USH2A: variants seen among roughly 807,000 people sequenced by gnomAD.
The protein encoded by USH2A is usherin, also known as Usher syndrome 2A (autosomal recessive, mild).
USH2A carries 443 observed loss-of-function variants against 538.9 expected under a neutral mutation model. The observed-to-expected ratio is 0.82, with a 90% CI of 0.76 to 0.89. The LOEUF (loss-of-function observed/expected upper bound fraction) is 0.89, where lower values mean the gene tolerates loss of function less well. Ranked by LOEUF, USH2A falls within the 40% of genes least tolerant of loss-of-function variation. The pLI is 0.00. For missense variants in USH2A, 6,633 were observed against 6,324.8 expected, an observed-to-expected ratio of 1.05 and a Z score of -1.65; for synonymous variants, 2,413 against 2,273.5, an observed-to-expected ratio of 1.06 and a Z score of -1.75.
chr1:216,360,825 A>G (rs2038478027), intron 4 of USH2A, among the ~76,000 whole-genome samples: 1 of 152,122 alleles, frequency 6.6e-6, no homozygotes, highest in South Asian at 2.1e-4. Flanking sequence ...AATATATTAC[A>G]TTTATGGGCT....
chr1:216,095,642 G>A (rs17026080), intron 22 of USH2A, among the ~76,000 whole-genome samples: 1 of 152,132 alleles, frequency 6.6e-6, no homozygotes, highest in African/African-American at 2.4e-5. Flanking sequence ...AGTTAGCAGA[G>A]CCCTGTCAAG....
chr1:215,841,750 GA>G (rs1288080966), intron 46 of USH2A, among the ~76,000 whole-genome samples: 1 of 152,106 alleles, frequency 6.6e-6, no homozygotes, highest in Non-Finnish European at 1.5e-5. Context: ...TCCTCAGAGT[GA>G]ACAGGCAACC....
intron 9 of USH2A, among the ~76,000 whole-genome samples, chr1:216,300,740 T>C (rs928340574): frequency 6.7e-6 from 1 of 148,372 alleles, no homozygotes; most frequent in East Asian, 2.0e-4. Flanking sequence ...ATAGACTCAA[T>C]GTTTTTTTTT....
chr1:215,900,623 T>G, intron 39 of USH2A, 132 bp downstream of exon 39: 5 of 1,161,264 alleles, frequency 4.3e-6, no homozygotes, highest in Non-Finnish European at 5.0e-6. Context: ...TATCCTCTAA[T>G]TGTTTGGGGT....
rs2102713589 is a variant in USH2A at position 215,728,228 on chromosome 1, T to G, written c.11868A>C (p.Ser3956=). 1 of 1,614,174 alleles carries G rather than the reference T, an allele frequency of 6.2e-7. No individual in the cohort carries two copies. The highest frequency in any genetic ancestry group is 2.2e-5 in the East Asian group (1 of 44,860). ...GTGGAGCTTCCAGAGTTTGTGTTAA[T>G]GACCACAGACTCTCCACTGAACCCT... ...NSKGSVESLW[S]LTQTLEAPPQ... Residue 3956 remains serine (S), a synonymous_variant, in exon 61 of 72, where the codon TCA becomes TCC. Coordinates refer to ENST00000307340, the MANE Select transcript of USH2A (RefSeq NM_206933.4).
chr1:216,319,789 C>T (rs924431545), intron 9 of USH2A, among the ~76,000 whole-genome samples: 1 of 152,046 alleles, frequency 6.6e-6, no homozygotes, highest in African/African-American at 2.4e-5. Flanking sequence ...CAGTCAAAAG[C>T]AAATTAGATC....
intron 40 of USH2A, among the ~76,000 whole-genome samples, chr1:215,895,707 A>T (rs916868901): frequency 1.3e-5 from 2 of 152,280 alleles, no homozygotes; most frequent in African/African-American, 4.8e-5. Flanking sequence ...AAATAACAAG[A>T]TGTAATGCAA....
At chr1:216,359,071 G>A (rs147829834) in intron 4 of USH2A, among the ~76,000 whole-genome samples, 7 of 152,152 alleles carry the variant, frequency 4.6e-5, no homozygotes, top group African/African-American at 9.6e-5. Flanking sequence ...AATTCTTCAC[G>A]CAGAGTATTT....
intron 55 of USH2A, among the ~76,000 whole-genome samples, chr1:215,767,810 T>C (rs571644638): frequency 6.6e-6 from 1 of 152,248 alleles, no homozygotes; most frequent in African/African-American, 2.4e-5. Context: ...AGAAGCAACT[T>C]TAAAGCTCAG....
At chr1:216,248,985 G>T (rs965764026) in intron 12 of USH2A, among the ~76,000 whole-genome samples, 1 of 151,986 alleles carries the variant, frequency 6.6e-6, no homozygotes, top group Non-Finnish European at 1.5e-5. Flanking sequence ...ACTGGTGATA[G>T]AATCATTAGT....
At chr1:215,906,189 A>C (rs1046985464) in intron 38 of USH2A, among the ~76,000 whole-genome samples, 2 of 152,122 alleles carry the variant, frequency 1.3e-5, no homozygotes, top group Admixed American at 1.3e-4. Context: ...AAGGATGCAC[A>C]AACAGAGCAG....
intron 32 of USH2A, among the ~76,000 whole-genome samples, chr1:216,044,205 G>C (rs936886724): frequency 1.3e-5 from 2 of 152,112 alleles, no homozygotes; most frequent in Admixed American, 1.3e-4. Context: ...AAGGTAATCA[G>C]TAAGCATACG....
chr1:215,898,704 A>G (rs1263682566), intron 40 of USH2A, among the ~76,000 whole-genome samples: 2 of 152,216 alleles, frequency 1.3e-5, no homozygotes, highest in Non-Finnish European at 2.9e-5. Flanking sequence ...GCTGCTATAT[A>G]TAAGAAGGAG....
At chr1:215,639,803 T>C (rs932667979) in intron 68 of USH2A, among the ~76,000 whole-genome samples, 1 of 152,192 alleles carries the variant, frequency 6.6e-6, no homozygotes, top group African/African-American at 2.4e-5. Context: ...ACTGTAACAA[T>C]GAACATGTGT....
At chr1:215,721,128 G>A (rs1659644578) in intron 61 of USH2A, among the ~76,000 whole-genome samples, 1 of 152,106 alleles carries the variant, frequency 6.6e-6, no homozygotes, top group African/African-American at 2.4e-5. Context: ...AGGCTGGAAT[G>A]CAATGGTGCA....
chr1:216,158,235 GTATTAT>G (rs1246223324), intron 21 of USH2A, among the ~76,000 whole-genome samples: 1 of 152,058 alleles, frequency 6.6e-6, no homozygotes, highest in Non-Finnish European at 1.5e-5. Flanking sequence ...ATGTATGTAT[GTATTAT>G]TATTATTTTT....
intron 21 of USH2A, among the ~76,000 whole-genome samples, chr1:216,155,185 C>G (rs1329124267): frequency 6.6e-6 from 1 of 152,090 alleles, no homozygotes; most frequent in African/African-American, 2.4e-5. Flanking sequence ...CAAAGATGAT[C>G]ATAGATGATC....
At chr1:216,373,143 TAA>T (rs2038746466) in intron 3 of USH2A, among the ~76,000 whole-genome samples, 1 of 152,194 alleles carries the variant, frequency 6.6e-6, no homozygotes, top group African/African-American at 2.4e-5. Flanking sequence ...TATGATATGC[TAA>T]GTGTGATGCT....
At chr1:215,945,729 A>G (rs1276639695) in intron 37 of USH2A, among the ~76,000 whole-genome samples, 3 of 152,134 alleles carry the variant, frequency 2.0e-5, no homozygotes, top group Non-Finnish European at 2.9e-5. Flanking sequence ...GTCAATAAAA[A>G]TATTCAGTTC....
Sources: allele counts gnomAD v4.1 joint callset (sites outside exome capture counted in the v4.1 genomes callset), GRCh38; gene constraint gnomAD v4.1.1; transcripts MANE v1.5; gene names NCBI Gene and HGNC (gene_info 2026-07-23, HGNC 2026-07-21).